XPO1: variants seen among roughly 807,000 people sequenced by gnomAD.
XPO1 encodes the protein exportin 1, also known as exportin-1.
A neutral mutation model predicts 133.3 loss-of-function variants in XPO1; 5 were observed. That is an observed-to-expected ratio of 0.04 (90% CI 0.02 to 0.08). The LOEUF (loss-of-function observed/expected upper bound fraction) is 0.08, where lower values mean the gene tolerates loss of function less well. Among genes scored for constraint, XPO1 ranks in the 10% least tolerant of loss-of-function variants. The pLI is 1.00. For synonymous variants in XPO1, 419 were observed against 408.2 expected, an observed-to-expected ratio of 1.03 and a Z score of -0.32; for missense variants, 506 against 1,267.5, an observed-to-expected ratio of 0.40 and a Z score of 9.12.
At position 61,496,926 on chromosome 2, in the gene XPO1, C is replaced by A; in HGVS notation, c.841G>T (p.Glu281Ter). 6.2e-7 allele frequency: 1 copy of A among 1,612,276 alleles called. No homozygotes were observed. Among genetic ancestry groups the A allele is most frequent in the South Asian group, 1.1e-5 (1 of 90,604 alleles). ...IAGVSVSQYE[E>*]QFVTLFTLTM... ...AGAGTAAATAGTGTTACAAATTGTTCTTCATATTGGCTTACACTCACACCA... is the reference window on the plus strand; with the variant it reads ...AGAGTAAATAGTGTTACAAATTGTTATTCATATTGGCTTACACTCACACCA... The change falls in exon 10 of 25, where the codon GAA becomes TAA. Residue 281 changes from glutamate to a stop codon, truncating the protein, a stop_gained. Transcript: ENST00000401558. LOFTEE classifies it high-confidence loss of function.
chr2:61,536,424 TAACA>T (rs1481137046), intron 1 of XPO1: 1 of 152,246 alleles, frequency 6.6e-6, no homozygotes, highest in African/African-American at 2.4e-5. Flanking sequence ...ACTCACTGGA[TAACA>T]TACACTAGGG....
At chr2:61,495,350 G>C in intron 11 of XPO1, 105 bp downstream of exon 11, 1 of 887,596 alleles carries the variant, frequency 1.1e-6, no homozygotes, top group East Asian at 2.7e-5. Flanking sequence ...CAAATATTAA[G>C]TAATAAGAAA....
chr2:61,500,071 A>C (rs1026119263), intron 6 of XPO1, among the ~76,000 whole-genome samples, 177 bp from the exon 7 acceptor site: 4 of 152,220 alleles, frequency 2.6e-5, no homozygotes, highest in Non-Finnish European at 5.9e-5. Context: ...GTAGAAAACA[A>C]AACACAAAGT....
At chr2:61,526,706 AT>A (rs34463563) in intron 2 of XPO1, among the ~76,000 whole-genome samples, 185 bp from the exon 3 acceptor site, 71,417 of 134,786 alleles carry the variant, frequency 0.53, 18,103 homozygotes, top group Middle Eastern at 0.64. Context: ...ATGACTCCCA[AT>A]TTTTTTTTTT....
At position 61,495,425 on chromosome 2, in the gene XPO1, T is replaced by C. The variant is rs761261106; in HGVS notation, c.1047+30A>G. ...AGAGTTATTAGTAGGCAGAGCAGAATTTTAGGAGCAAAAGCTCCACATATC... is the reference window on the plus strand; with the variant it reads ...AGAGTTATTAGTAGGCAGAGCAGAACTTTAGGAGCAAAAGCTCCACATATC... On this transcript the variant is annotated intron_variant, in intron 11 of 24. Transcript: ENST00000401558. 8 of 1,489,736 alleles carry C rather than the reference T, an allele frequency of 5.4e-6. No individual in the cohort carries two copies. The South Asian group carries it at 1.1e-4, about 21-fold the overall frequency. The allele number at this position is 1,489,736 out of a possible 1,614,324, so 92.3% of individuals were successfully genotyped here.
At chr2:61,491,914 GAAAATT>G (rs1697019626) in intron 16 of XPO1, 115 bp downstream of exon 16, 6 of 1,277,100 alleles carry the variant, frequency 4.7e-6, no homozygotes, top group Non-Finnish European at 6.4e-6. Flanking sequence ...AAAAAAGAAA[GAAAATT>G]TAATCAGAAA....
chr2:61,515,165 A>T lies in XPO1; in HGVS notation c.301+7446T>A, dbSNP rs558753108. On this transcript the variant is annotated intron_variant, in intron 4 of 24. Coordinates refer to ENST00000401558, the MANE Select transcript of XPO1 (RefSeq NM_003400.4). ...TGTGAAGAGGGGCAGTGAAGGTGAA[A>T]GTAATCGGATAGAGGCAGATCTTGA... 1.1e-4 allele frequency among the ~76,000 whole-genome samples: 17 copies of T among 152,280 alleles called. No homozygotes were observed. The South Asian group carries it at 3.5e-3, about 32-fold the overall frequency.
chr2:61,482,298 G>C (rs2104285419), intron 23 of XPO1, 82 bp downstream of exon 23: 1 of 1,324,956 alleles, frequency 7.5e-7, no homozygotes, highest in Non-Finnish European at 1.0e-6. Context: ...CCCACCTTAG[G>C]CTTCCCAAAG....
rs1238369927 is a variant in XPO1 at position 61,478,813 on chromosome 2, T to G, written c.*7A>C. 1 of 1,612,580 alleles carries G rather than the reference T, an allele frequency of 6.2e-7. No individual in the cohort carries two copies. The highest frequency in any genetic ancestry group is 8.5e-7 in the Non-Finnish European group (1 of 1,179,338). On this transcript the variant is annotated 3_prime_UTR_variant, in exon 25 of 25. Coordinates refer to ENST00000401558, the MANE Select transcript of XPO1 (RefSeq NM_003400.4). ...TGCAGAGAAAAAAAACAGCATGAATTTGGATTTTAATCACACATTTCTTCT... is the reference window on the plus strand; with the variant it reads ...TGCAGAGAAAAAAAACAGCATGAATGTGGATTTTAATCACACATTTCTTCT...
At chr2:61,512,594 T>A (rs552612940) in intron 4 of XPO1, among the ~76,000 whole-genome samples, 140 of 152,328 alleles carry the variant, frequency 9.2e-4, no homozygotes, top group Non-Finnish European at 1.3e-3. Flanking sequence ...TAATCAGGAA[T>A]TGACATTAAA....
chr2:61,480,239 G>C (rs1427308636), intron 24 of XPO1: 2 of 147,666 alleles, frequency 1.4e-5, no homozygotes, highest in Non-Finnish European at 3.0e-5. Context: ...ATTAAATTAA[G>C]TTTAGTTATA....
At chr2:61,508,953 C>G (rs537087484) in intron 4 of XPO1, among the ~76,000 whole-genome samples, 1 of 152,254 alleles carries the variant, frequency 6.6e-6, no homozygotes, top group African/African-American at 2.4e-5. Context: ...TTTTCACGTA[C>G]AGTTTAAGTA....
At chr2:61,479,455 C>CCA (rs1553400049) in intron 24 of XPO1, among the ~76,000 whole-genome samples, 89 of 150,736 alleles carry the variant, frequency 5.9e-4, no homozygotes, top group Middle Eastern at 3.4e-3. Flanking sequence ...TGTGCCCCCC[C>CCA]AAAAAAAACA....
At chr2:61,486,046 G>C in intron 19 of XPO1, 84 bp from the exon 20 acceptor site, 1 of 1,235,554 alleles carries the variant, frequency 8.1e-7, no homozygotes, top group Non-Finnish European at 1.1e-6. Context: ...CTGTCTATGA[G>C]ATGTAGCATG....
chr2:61,537,418 T>G (rs1441756897), intron 1 of XPO1, 144 bp downstream of exon 1: 10 of 149,138 alleles, frequency 6.7e-5, no homozygotes, highest in African/African-American at 2.4e-4. Flanking sequence ...GGCTCCGCTG[T>G]GGGCCCGCCG....
chr2:61,492,143 T>A lies in XPO1; in HGVS notation c.1779A>T (p.Gln593His). ...CCTGAACGAAATGCCTGCGGCATTTTTGGGCTATTTTAATGAAAGTATCAC... is the reference window on the plus strand; with the variant it reads ...CCTGAACGAAATGCCTGCGGCATTTATGGGCTATTTTAATGAAAGTATCAC... ...MACDTFIKIA[Q>H]KCRRHFVQVQ... The change falls in exon 16 of 25, where the codon CAA becomes CAT. Residue 593 changes from glutamine (Q) to histidine (H), a missense_variant. Gln to His is a conservative substitution (Grantham distance 24). This residue lies in a region of XPO1 where 60 missense variants were observed against 211.0 expected (regional missense o/e 0.28). Coordinates refer to ENST00000401558, the MANE Select transcript of XPO1 (RefSeq NM_003400.4). This position sits in a 1 kb window ranked among gnomAD's most constrained non-coding sequence, Gnocchi z 5.6. The A allele has an allele frequency of 6.2e-7, 1 of 1,614,192 alleles. No individual in the cohort carries two copies. The highest frequency in any genetic ancestry group is 2.2e-5 in the East Asian group (1 of 44,876).
At chr2:61,480,136 A>AG (rs1696268816) in intron 24 of XPO1, among the ~76,000 whole-genome samples, 1 of 152,248 alleles carries the variant, frequency 6.6e-6, no homozygotes, top group East Asian at 1.9e-4. Context: ...AAGTGCTGGG[A>AG]TTACAGGTGT....
intron 3 of XPO1, chr2:61,526,196 C>T (rs2104779500): frequency 1.5e-6 from 2 of 1,329,854 alleles, no homozygotes; most frequent in South Asian, 1.9e-5. Context: ...AATCAGACAA[C>T]CAAAAAAGCC....
At chr2:61,513,061 C>T (rs554694368) in intron 4 of XPO1, among the ~76,000 whole-genome samples, 36 of 152,186 alleles carry the variant, frequency 2.4e-4, no homozygotes, top group Non-Finnish European at 4.7e-4. Flanking sequence ...TAAAATGAAT[C>T]ACATGATGCT....
Sources: gnomAD v4.1 joint callset for allele counts (sites outside exome capture counted in the v4.1 genomes callset) on GRCh38, gnomAD v4.1.1 for gene constraint, gnomAD v4.1.1 regional missense constraint, Gnocchi (gnomAD v3.1) non-coding constraint, MANE v1.5 for transcripts, NCBI Gene and HGNC (gene_info 2026-07-23, HGNC 2026-07-21) for gene names.